Variants in COL4A3 observed in about 807,000 individuals in gnomAD.
COL4A3 encodes the protein collagen type IV alpha 3 chain.
A neutral mutation model predicts 217.4 loss-of-function variants in COL4A3; 135 were observed. That is an observed-to-expected ratio of 0.62 (90% confidence interval 0.54 to 0.72). The LOEUF (loss-of-function observed/expected upper bound fraction) is 0.72, where lower values mean the gene tolerates loss of function less well. Among genes scored for constraint, COL4A3 ranks in the 30% least tolerant of loss-of-function variants. The pLI is 0.00. For synonymous variants in COL4A3, 690 were observed against 736.3 expected, an observed-to-expected ratio of 0.94 and a Z score of 1.02; for missense variants, 1,868 against 2,119.9, an observed-to-expected ratio of 0.88 and a Z score of 2.33.
At chr2:227,246,503 C>A (rs1215282415) in intron 6 of COL4A3, among the ~76,000 whole-genome samples, 182 bp from the exon 7 acceptor site, 1 of 152,190 alleles carries the variant, frequency 6.6e-6, no homozygotes, top group Admixed American at 6.5e-5. Context: ...GTATTCTAAT[C>A]CTGTTTTTAA....
chr2:227,257,637 G>A lies in COL4A3; in HGVS notation c.1022G>A (p.Arg341His), dbSNP rs200738124. 34 of 1,613,580 alleles carry A rather than the reference G, an allele frequency of 2.1e-5. No homozygotes were observed. Among genetic ancestry groups the A allele is most frequent in the Middle Eastern group, 1.6e-4 (1 of 6,084 alleles). ...QKGDIGPPGF[R>H]GPTEYYDTYQ... Reference sequence around the variant, plus strand: ...GGGGACATTGGCCCTCCAGGATTTCGTGGTCCAGTAAGTGTGATTAAAGAC... The same window carrying A: ...GGGGACATTGGCCCTCCAGGATTTCATGGTCCAGTAAGTGTGATTAAAGAC... The change falls in exon 18 of 52, where the codon CGT becomes CAT. Residue 341 changes from arginine to histidine, a missense_variant. Physicochemically the swap from Arg to His is conservative, Grantham distance 29. Around this residue, in one of 2 missense-constraint regions of COL4A3, gnomAD observed 1,503 missense variants for 1,786.1 expected, o/e 0.84. Coordinates refer to ENST00000396578, the MANE Select transcript of COL4A3 (RefSeq NM_000091.5).
At chr2:227,299,230 C>A (rs1239896263) in intron 43 of COL4A3, among the ~76,000 whole-genome samples, 8 of 152,166 alleles carry the variant, frequency 5.3e-5, no homozygotes, top group African/African-American at 1.9e-4. Context: ...CCCGTCTCTA[C>A]TAAAAATACA....
At chr2:227,256,549 G>A (rs1276961784) in intron 17 of COL4A3, 153 bp downstream of exon 17, 1 of 786,672 alleles carries the variant, frequency 1.3e-6, no homozygotes, top group Non-Finnish European at 2.3e-6. Context: ...GAGAGATGTG[G>A]CAACTTTACT....
At chr2:227,173,761 A>G (rs926965158) in intron 1 of COL4A3, among the ~76,000 whole-genome samples, 3 of 152,210 alleles carry the variant, frequency 2.0e-5, no homozygotes, top group Non-Finnish European at 2.9e-5. Context: ...TATCATTTTA[A>G]TATGTAATCA....
intron 37 of COL4A3, among the ~76,000 whole-genome samples, chr2:227,292,203 A>G (rs1425563755): frequency 6.6e-6 from 1 of 152,186 alleles, no homozygotes; most frequent in African/African-American, 2.4e-5. Context: ...TTTCCTAAAT[A>G]TTTCCACCAG....
chr2:227,226,306 T>C (rs1482869397), intron 1 of COL4A3, among the ~76,000 whole-genome samples: 2 of 152,136 alleles, frequency 1.3e-5, no homozygotes, highest in Non-Finnish European at 2.9e-5. Context: ...GTATTCCCTG[T>C]GTCCCCCAAG....
At position 227,307,938 on chromosome 2, in the gene COL4A3, T is replaced by C. The variant is rs770712470; in HGVS notation, c.4462+19T>C. On this transcript the variant is annotated intron_variant, in intron 48 of 51. Coordinates refer to ENST00000396578, the MANE Select transcript of COL4A3 (RefSeq NM_000091.5). ...GACCTTGGTAATGTCCCAGTCCCAGTTGCCAGTTGTGCTGTTCCACATGCA... is the reference window on the plus strand; with the variant it reads ...GACCTTGGTAATGTCCCAGTCCCAGCTGCCAGTTGTGCTGTTCCACATGCA... 9 of 1,608,174 alleles carry C rather than the reference T, an allele frequency of 5.6e-6. No homozygotes were observed. In the East Asian group the frequency reaches 6.7e-5, roughly 12 times the overall value.
chr2:227,290,036 A>G lies in COL4A3; in HGVS notation c.3018A>G (p.Gly1006=). The G allele has an allele frequency of 6.2e-7, 1 of 1,614,172 alleles. No individual in the cohort carries two copies. Among genetic ancestry groups the G allele is most frequent in the East Asian group, 2.2e-5 (1 of 44,890 alleles). ...ATTTGGGCAGCACTGGGAATCCTGGAGAACCAGGACTGCGTGGTATACCAG... is the reference window on the plus strand; with the variant it reads ...ATTTGGGCAGCACTGGGAATCCTGGGGAACCAGGACTGCGTGGTATACCAG... The part of the protein sequence containing the change: ...RGDLGSTGNP[G]EPGLRGIPGS... The change falls in exon 36 of 52, where the codon GGA becomes GGG. Residue 1006 remains glycine, a synonymous_variant. Coordinates refer to ENST00000396578, the MANE Select transcript of COL4A3 (RefSeq NM_000091.5).
intron 41 of COL4A3, chr2:227,296,196 A>G (rs2073021390): frequency 6.6e-6 from 1 of 152,152 alleles, no homozygotes. Flanking sequence ...TACTGGTTTG[A>G]TTGTTCTTTC....
At chr2:227,293,360 C>G (rs1334563811) in intron 38 of COL4A3, 43 bp downstream of exon 38, 1 of 1,605,120 alleles carries the variant, frequency 6.2e-7, no homozygotes, top group Non-Finnish European at 8.5e-7. Flanking sequence ...AAGCATTACT[C>G]AGAGTATAGC....
intron 26 of COL4A3, among the ~76,000 whole-genome samples, chr2:227,274,431 A>G (rs1277939526): frequency 6.6e-6 from 1 of 151,418 alleles, no homozygotes; most frequent in African/African-American, 2.4e-5. Context: ...ATCTTATTTT[A>G]TGACTTTCTC....
At chr2:227,194,441 G>C (rs948200619) in intron 1 of COL4A3, among the ~76,000 whole-genome samples, 1 of 152,068 alleles carries the variant, frequency 6.6e-6, no homozygotes, top group Admixed American at 6.6e-5. Context: ...AGCCAGGAAA[G>C]TAGAGGCCCT....
chr2:227,273,191 C>T, intron 26 of COL4A3, 74 bp downstream of exon 26: 2 of 1,505,016 alleles, frequency 1.3e-6, no homozygotes, highest in Admixed American at 3.4e-5. Context: ...CGAAGCTTCT[C>T]CAAGACTAAG....
At chr2:227,259,997 C>T in intron 19 of COL4A3, 120 bp downstream of exon 19, 1 of 798,290 alleles carries the variant, frequency 1.3e-6, no homozygotes, top group South Asian at 1.4e-5. Context: ...GAGATCTCTT[C>T]ATTTTCATAA....
chr2:227,305,211 C>G, intron 47 of COL4A3, 128 bp downstream of exon 47: 2 of 775,338 alleles, frequency 2.6e-6, no homozygotes, highest in South Asian at 3.0e-5. Flanking sequence ...AGACCAAAGG[C>G]CAAGGATCAA....
chr2:227,194,086 AG>A (rs2125711647), intron 1 of COL4A3, among the ~76,000 whole-genome samples: 3 of 108,406 alleles, frequency 2.8e-5, no homozygotes, highest in African/African-American at 1.2e-4. Context: ...GGAGAGAGGG[AG>A]GGAGGAAAGA....
intron 43 of COL4A3, chr2:227,301,969 C>T (rs145900636): frequency 6.6e-6 from 1 of 152,366 alleles, no homozygotes; most frequent in East Asian, 1.9e-4. Flanking sequence ...TGGCACTTTT[C>T]ATGACCTTCA....
intron 1 of COL4A3, among the ~76,000 whole-genome samples, chr2:227,171,873 T>C (rs2065486061): frequency 6.6e-6 from 1 of 152,210 alleles, no homozygotes; most frequent in African/African-American, 2.4e-5. Flanking sequence ...GGCAAGTGCC[T>C]CGTTTCACCT....
chr2:227,222,498 G>C (rs2067864185), intron 1 of COL4A3: 1 of 152,122 alleles, frequency 6.6e-6, no homozygotes. Context: ...CCCCCTCCTA[G>C]GAATGTAGAG....
Sources: gnomAD v4.1 joint callset for allele counts (sites outside exome capture counted in the v4.1 genomes callset) on GRCh38, gnomAD v4.1.1 for gene constraint, gnomAD v4.1.1 regional missense constraint, MANE v1.5 for transcripts, NCBI Gene and HGNC (gene_info 2026-07-23, HGNC 2026-07-21) for gene names.